MAST4: variants seen among roughly 807,000 people sequenced by gnomAD.
MAST4 encodes the protein microtubule associated serine/threonine kinase family member 4.
A neutral mutation model predicts 162.7 loss-of-function variants in MAST4; 89 were observed. That is an observed-to-expected ratio of 0.55 (90% CI 0.46 to 0.65). The LOEUF is 0.65. MAST4 is among the 30% of genes least tolerant of loss of function. The probability of loss-of-function intolerance (pLI) is 0.00; values close to 1 mark genes in which losing one functional copy is unlikely to be tolerated. For missense variants in MAST4, 3,153 were observed against 3,374.0 expected, an observed-to-expected ratio of 0.93 and a Z score of 1.62; for synonymous variants, 1,479 against 1,361.1, an observed-to-expected ratio of 1.09 and a Z score of -1.91.
Position 67,130,279 on chromosome 5 carries a change from C to G in MAST4, c.1815C>G (p.Asn605Lys). The G allele has an allele frequency of 6.2e-7, 1 of 1,613,794 alleles. No individual in the cohort carries two copies. Among genetic ancestry groups the G allele is most frequent in the Non-Finnish European group, 8.5e-7 (1 of 1,179,794 alleles). Residue 605 changes from asparagine to lysine, a missense_variant, in exon 15 of 29, where the codon AAC (asparagine) becomes AAG (lysine). This residue lies in a region of MAST4 where 131 missense variants were observed against 253.8 expected (regional missense o/e 0.52). Coordinates refer to ENST00000403625, the MANE Select transcript of MAST4 (RefSeq NM_001164664.2). ...CCATGAAGAAGATTAATAAACAGAA[C>G]CTCATCCTTCGAAACCAGATCCAGC... is the stretch of plus-strand genomic sequence containing the variant. ...RFAMKKINKQ[N>K]LILRNQIQQA...
chr5:67,135,383 T>C (rs1363056655), intron 18 of MAST4, among the ~76,000 whole-genome samples: 1 of 152,192 alleles, frequency 6.6e-6, no homozygotes, highest in Non-Finnish European at 1.5e-5. Flanking sequence ...ATTTTATAAA[T>C]TTCCCTGGAA....
intron 1 of MAST4, among the ~76,000 whole-genome samples, chr5:66,625,381 C>T (rs186899151): frequency 2.0e-5 from 3 of 152,308 alleles, no homozygotes; most frequent in Admixed American, 2.0e-4. Flanking sequence ...AAATGCTGGC[C>T]TGTTACCCCC....
chr5:66,996,552 A>G (rs867402117), intron 4 of MAST4, among the ~76,000 whole-genome samples: 2 of 152,170 alleles, frequency 1.3e-5, no homozygotes, highest in Non-Finnish European at 2.9e-5. Flanking sequence ...TCCGAAATCA[A>G]TTTCTGTGCG....
chr5:66,728,097 T>G (rs745815048), intron 1 of MAST4, among the ~76,000 whole-genome samples: 6 of 152,178 alleles, frequency 3.9e-5, no homozygotes, highest in Non-Finnish European at 7.3e-5. Context: ...ATGCAGAAAG[T>G]ATAGTGTCTG....
intron 1 of MAST4, among the ~76,000 whole-genome samples, chr5:66,735,752 G>A (rs1050838343): frequency 6.6e-6 from 1 of 152,202 alleles, no homozygotes; most frequent in Non-Finnish European, 1.5e-5. Flanking sequence ...TAGGTTGAGA[G>A]ATTCTTGACT....
intron 2 of MAST4, among the ~76,000 whole-genome samples, chr5:66,781,272 C>G (rs1754857660): frequency 1.3e-5 from 2 of 152,186 alleles, no homozygotes; most frequent in South Asian, 4.1e-4. Context: ...GTGAGAATGT[C>G]CCTGCTCCCA....
chr5:66,831,895 C>T (rs1332988492), intron 3 of MAST4, among the ~76,000 whole-genome samples: 1 of 152,198 alleles, frequency 6.6e-6, no homozygotes, highest in Non-Finnish European at 1.5e-5. Context: ...AGGTCTAATT[C>T]ATCAAGGGAT....
chr5:67,125,154 AAAAG>A (rs1224655062), intron 14 of MAST4, among the ~76,000 whole-genome samples: 1 of 152,192 alleles, frequency 6.6e-6, no homozygotes, highest in Admixed American at 6.5e-5. Context: ...GGCAAGCTAT[AAAAG>A]AAAGATACTG....
At chr5:67,009,434 G>A (rs1752411957) in intron 4 of MAST4, among the ~76,000 whole-genome samples, 1 of 152,196 alleles carries the variant, frequency 6.6e-6, no homozygotes, top group Non-Finnish European at 1.5e-5. Context: ...GTACTGCACA[G>A]TGGTTAAGAG....
At chr5:67,152,957 C>T (rs1033514776) in intron 25 of MAST4, 91 bp downstream of exon 25, 6 of 1,067,040 alleles carry the variant, frequency 5.6e-6, no homozygotes, top group Non-Finnish European at 8.3e-6. Context: ...AATATATTTA[C>T]TTTTAAGCTT....
intron 1 of MAST4, among the ~76,000 whole-genome samples, chr5:66,621,138 G>T (rs1744050412): frequency 6.6e-6 from 1 of 152,074 alleles, no homozygotes; most frequent in Admixed American, 6.5e-5. Flanking sequence ...AAATACTTAA[G>T]AAAAATGAAG....
chr5:66,837,875 T>C lies in MAST4; in HGVS notation c.642+49081T>C, dbSNP rs182996264. ...AGTGAGACTTGATTTTATATATATA[T>C]ATATATATATATATATATATTTTTT... On this transcript the variant is annotated intron_variant, in intron 3 of 28. Coordinates refer to ENST00000403625, the MANE Select transcript of MAST4 (RefSeq NM_001164664.2). Among the ~76,000 whole-genome samples, 1,276 of 50,840 alleles carry C rather than the reference T, an allele frequency of 0.025. 108 individuals carry two copies. In the East Asian group the frequency reaches 0.33, roughly 13 times the overall value. The allele number at this position is 50,840 out of a possible 152,430, so 33.4% of individuals were successfully genotyped here.
intron 2 of MAST4, among the ~76,000 whole-genome samples, chr5:66,760,553 CA>C (rs771469955): frequency 5.6e-4 from 86 of 152,252 alleles, no homozygotes; most frequent in Non-Finnish European, 8.8e-4. Context: ...CCCTCAACTC[CA>C]AATCCTTGGC....
chr5:66,977,218 A>G lies in MAST4; in HGVS notation c.675-77186A>G, dbSNP rs181672776. ...TGGGTTCAAGCGATTCTTCTGCCCC[A>G]GCCTCCCTAGTAGCTGGGATTACAG... On this transcript the variant is annotated intron_variant, in intron 4 of 28. Transcript: ENST00000403625. Among the ~76,000 whole-genome samples, 9 of 152,278 alleles carry G rather than the reference A, an allele frequency of 5.9e-5. No individual in the cohort carries two copies. In the East Asian group the frequency reaches 1.7e-3, roughly 29 times the overall value.
At chr5:66,948,500 A>G (rs992611330) in intron 4 of MAST4, among the ~76,000 whole-genome samples, 1 of 151,928 alleles carries the variant, frequency 6.6e-6, no homozygotes, top group African/African-American at 2.4e-5. Flanking sequence ...CGCCAAGCTT[A>G]GGTAGGGCAC....
chr5:66,808,811 A>C (rs1474386805), intron 3 of MAST4, among the ~76,000 whole-genome samples: 2 of 152,192 alleles, frequency 1.3e-5, no homozygotes, highest in African/African-American at 4.8e-5. Flanking sequence ...CAGGTGATTT[A>C]AACAAAATCT....
At chr5:67,048,998 T>TAC (rs1194970551) in intron 4 of MAST4, among the ~76,000 whole-genome samples, 4 of 130,288 alleles carry the variant, frequency 3.1e-5, no homozygotes, top group Admixed American at 8.1e-5. Context: ...TATATATATA[T>TAC]ATACACACAC....
chr5:66,919,948 CCT>C (rs1561446152), intron 4 of MAST4, among the ~76,000 whole-genome samples: 2 of 123,608 alleles, frequency 1.6e-5, no homozygotes, highest in African/African-American at 3.1e-5. Flanking sequence ...TTCCTTCCTT[CCT>C]TCCTTCCTTC....
intron 4 of MAST4, among the ~76,000 whole-genome samples, chr5:66,987,125 T>A (rs956701249): frequency 6.6e-6 from 1 of 152,236 alleles, no homozygotes; most frequent in Non-Finnish European, 1.5e-5. Context: ...GGTTTTTTTT[T>A]AAGTCAAATA....
Sources: allele counts gnomAD v4.1 joint callset (sites outside exome capture counted in the v4.1 genomes callset), GRCh38; gene constraint gnomAD v4.1.1; regional missense constraint gnomAD v4.1.1; transcripts MANE v1.5; gene names NCBI Gene and HGNC (gene_info 2026-07-23, HGNC 2026-07-21).